The following ARRB1 variants were observed in gnomAD, a reference collection of about 807,000 sequenced individuals.
ARRB1 encodes arrestin beta 1, also known as beta-arrestin-1.
A neutral mutation model predicts 56.8 loss-of-function variants in ARRB1; 21 were observed. That is an observed-to-expected ratio of 0.37 (90% confidence interval 0.26 to 0.53). The LOEUF is 0.53. Among genes scored for constraint, ARRB1 ranks in the 20% least tolerant of loss-of-function variants. ARRB1 has a pLI of 0.88. For missense variants in ARRB1, 424 were observed against 553.7 expected (o/e 0.77, Z 2.35); for synonymous variants, 210 against 218.6 (o/e 0.96, Z 0.35).
At chr11:75,312,815 G>C (rs1947190683) in intron 1 of ARRB1, among the ~76,000 whole-genome samples, 1 of 152,208 alleles carries the variant, frequency 6.6e-6, no homozygotes, top group South Asian at 2.1e-4. Flanking sequence ...GGGAGCCAAG[G>C]CATGCAGACA....
chr11:75,262,017 C>T lies in ARRB1; in HGVS notation c.*4146G>A, dbSNP rs554966524. On this transcript the variant is annotated 3_prime_UTR_variant, in exon 16 of 16. Coordinates refer to ENST00000420843, the MANE Select transcript of ARRB1 (RefSeq NM_004041.5). ...TGGGATGCTGACGCCACTGCATCCG[C>T]TGTGGCTCGGCTCTCAGGACAAAAG... 2 of 152,336 alleles carry T rather than the reference C, an allele frequency of 1.3e-5. No individual in the cohort carries two copies. The highest frequency in any genetic ancestry group is 2.1e-4 in the South Asian group (1 of 4,832). The allele number at this position is 152,336 out of a possible 1,614,324, so 9.4% of individuals were successfully genotyped here. A position where few individuals can be genotyped will look rare whatever the true frequency, so the allele number is the denominator to read the frequency against.
At chr11:75,309,503 A>T (rs1248576995) in intron 1 of ARRB1, among the ~76,000 whole-genome samples, 1 of 152,194 alleles carries the variant, frequency 6.6e-6, no homozygotes, top group African/African-American at 2.4e-5. Context: ...CCTGGCACAG[A>T]GTTGGAGCTC....
intron 1 of ARRB1, among the ~76,000 whole-genome samples, chr11:75,321,271 C>T (rs370278922): frequency 1.4e-5 from 2 of 147,448 alleles, no homozygotes; most frequent in Admixed American, 1.3e-4. Flanking sequence ...GCTCACCCCC[C>T]CCCACCACCA....
At chr11:75,339,283 A>G (rs1171114791) in intron 1 of ARRB1, among the ~76,000 whole-genome samples, 2 of 152,196 alleles carry the variant, frequency 1.3e-5, no homozygotes, top group African/African-American at 4.8e-5. Flanking sequence ...CTGGTTTCCA[A>G]TGGCAGGTTT....
At chr11:75,284,462 A>T in intron 3 of ARRB1, 183 bp from the exon 4 acceptor site, 1 of 512,990 alleles carries the variant, frequency 1.9e-6, no homozygotes, top group Non-Finnish European at 3.4e-6. Context: ...CCCTTCCCCC[A>T]TCCCAGGCCA....
At chr11:75,325,523 A>C (rs543480442) in intron 1 of ARRB1, among the ~76,000 whole-genome samples, 1 of 152,230 alleles carries the variant, frequency 6.6e-6, no homozygotes, top group South Asian at 2.1e-4. Flanking sequence ...GAGTTTCACC[A>C]TGTTGGCCAG....
At chr11:75,281,201 G>T in intron 6 of ARRB1, 59 bp from the exon 7 acceptor site, 1 of 1,482,038 alleles carries the variant, frequency 6.7e-7, no homozygotes, top group Non-Finnish European at 9.2e-7. Flanking sequence ...CCAGTACACA[G>T]CCAGCCCACC....
chr11:75,336,229 A>T (rs1947600867), intron 1 of ARRB1, among the ~76,000 whole-genome samples: 1 of 152,202 alleles, frequency 6.6e-6, no homozygotes, highest in African/African-American at 2.4e-5. Context: ...AAATCAAAAA[A>T]GTGAGAATCA....
intron 3 of ARRB1, among the ~76,000 whole-genome samples, chr11:75,286,754 C>T (rs1946488063): frequency 6.6e-6 from 1 of 152,154 alleles, no homozygotes; most frequent in Admixed American, 6.5e-5. Flanking sequence ...TTGGAAGGTG[C>T]CTTCAGCCAC....
At chr11:75,268,196 A>G (rs970904372) in intron 14 of ARRB1, among the ~76,000 whole-genome samples, 1 of 152,100 alleles carries the variant, frequency 6.6e-6, no homozygotes, top group African/African-American at 2.4e-5. Context: ...AATATGACCA[A>G]TCTGCTATCA....
intron 14 of ARRB1, among the ~76,000 whole-genome samples, chr11:75,268,027 A>G (rs890551993): frequency 7.2e-5 from 11 of 152,316 alleles, no homozygotes; most frequent in Middle Eastern, 3.4e-3. Context: ...CACCAATTCT[A>G]AGACAATCTT....
At chr11:75,285,999 C>T (rs1188997287) in intron 3 of ARRB1, among the ~76,000 whole-genome samples, 3 of 152,190 alleles carry the variant, frequency 2.0e-5, no homozygotes, top group African/African-American at 7.2e-5. Flanking sequence ...CTTCAGAAGA[C>T]ACCAAACAGC....
rs11428462 is a variant in ARRB1, at chr11:75,296,185, C to CAA, written c.21-6148_21-6147dup. Among the ~76,000 whole-genome samples the CAA allele has an allele frequency of 6.2e-3, 519 of 84,268 alleles. 13 individuals carry two copies. Among genetic ancestry groups the CAA allele is most frequent in the East Asian group, 8.7e-3 (25 of 2,886 alleles). The allele number at this position is 84,268 out of a possible 152,430, so 55.3% of individuals were successfully genotyped here. On this transcript the variant is annotated intron_variant, in intron 1 of 15. Transcript: ENST00000420843. ...TGGGCGACAGAGTAAGACTTTGTCT[C>CAA]AAAAAAAAAAAAAAAAAAAAAAGAG... is the stretch of plus-strand genomic sequence containing the variant.
Position 75,300,693 on chromosome 11 carries a change from G to T in ARRB1, c.21-10654C>A, listed in dbSNP as rs183426025. 7.9e-5 allele frequency among the ~76,000 whole-genome samples: 12 copies of T among 151,992 alleles called. No individual in the cohort carries two copies. In the East Asian group the frequency reaches 2.3e-3, roughly 29 times the overall value. Reference sequence around the variant, plus strand: ...AAAAATACAAAAATTAGGGCCGGGCGCGGTGGCTCACGCCTGTAATCCCAG... The same window carrying T: ...AAAAATACAAAAATTAGGGCCGGGCTCGGTGGCTCACGCCTGTAATCCCAG... On this transcript the variant is annotated intron_variant, in intron 1 of 15. Coordinates refer to ENST00000420843, the MANE Select transcript of ARRB1 (RefSeq NM_004041.5).
rs532616745 is a variant in ARRB1 at position 75,327,780 on chromosome 11, G to T, written c.20+23808C>A. 7.2e-5 allele frequency among the ~76,000 whole-genome samples: 11 copies of T among 151,884 alleles called. No individual in the cohort carries two copies. The South Asian group carries it at 2.3e-3, about 32-fold the overall frequency. On this transcript the variant is annotated intron_variant, in intron 1 of 15. Transcript: ENST00000420843. ...ATTGTTGTAATTTTAGTAGAGACGG[G>T]GTTTCGCCATGTTGGCCAGGCTGGT...
At position 75,307,854 on chromosome 11, in the gene ARRB1, T is replaced by C. The variant is rs2140476031; in HGVS notation, c.21-17815A>G. Among the ~76,000 whole-genome samples, 3 of 152,244 alleles carry C rather than the reference T, an allele frequency of 2.0e-5. 1 individual carries two copies. Among genetic ancestry groups the C allele is most frequent in the Middle Eastern group, 3.4e-3 (1 of 294 alleles). On this transcript the variant is annotated intron_variant, in intron 1 of 15. Coordinates refer to ENST00000420843, the MANE Select transcript of ARRB1 (RefSeq NM_004041.5). Reference sequence around the variant, plus strand: ...GAGATGGCAGGGGGCAACAGGGGGATCCCTGACAAGAGGATCCCAGGACAG... The same window carrying C: ...GAGATGGCAGGGGGCAACAGGGGGACCCCTGACAAGAGGATCCCAGGACAG...
chr11:75,268,973 C>A lies in ARRB1; in HGVS notation c.1023-14G>T. ...ACGGCCACGTCGCTGAAACAGAGAC[C>A]CAGACCCAGTGAGCCTTGAGCGGAC... On this transcript the variant is annotated splice_polypyrimidine_tract_variant and intron_variant, in intron 13 of 15. Coordinates refer to ENST00000420843, the MANE Select transcript of ARRB1 (RefSeq NM_004041.5). The A allele has an allele frequency of 6.2e-7, 1 of 1,608,094 alleles. No individual in the cohort carries two copies. Among genetic ancestry groups the A allele is most frequent in the Non-Finnish European group, 8.5e-7 (1 of 1,178,088 alleles).
intron 1 of ARRB1, among the ~76,000 whole-genome samples, chr11:75,308,968 C>G (rs373972510): frequency 6.6e-6 from 1 of 152,212 alleles, no homozygotes; most frequent in East Asian, 1.9e-4. Flanking sequence ...TGTTTAATCT[C>G]AAGGATAACT....
chr11:75,282,245 G>A, intron 5 of ARRB1: 1 of 502,482 alleles, frequency 2.0e-6, no homozygotes, highest in Non-Finnish European at 3.6e-6. Flanking sequence ...CGCAGCAATG[G>A]TTTAAATAGA....
Sources: gnomAD v4.1 joint callset for allele counts (sites outside exome capture counted in the v4.1 genomes callset) on GRCh38, gnomAD v4.1.1 for gene constraint, MANE v1.5 for transcripts, NCBI Gene and HGNC (gene_info 2026-07-23, HGNC 2026-07-21) for gene names.